The following CNGB1 variants were observed in gnomAD, a reference collection of about 807,000 sequenced individuals.
CNGB1 encodes the protein cyclic nucleotide gated channel subunit beta 1, also known as cyclic nucleotide-gated channel beta-1.
A neutral mutation model predicts 151.7 loss-of-function variants in CNGB1; 126 were observed. That is an observed-to-expected ratio of 0.83 (90% CI 0.72 to 0.96). CNGB1 has a LOEUF of 0.96. Among genes scored for constraint, CNGB1 ranks in the 40% least tolerant of loss-of-function variants. The pLI is 0.00. For synonymous variants in CNGB1, 623 were observed against 635.1 expected (o/e 0.98, Z 0.29); for missense variants, 1,698 against 1,627.0 (o/e 1.04, Z -0.75).
Position 57,930,750 on chromosome 16 carries a change from CA to C in CNGB1, c.1535+965del, listed in dbSNP as rs745809393. 1.6e-3 allele frequency among the ~76,000 whole-genome samples: 249 copies of C among 152,006 alleles called. 1 individual carries two copies. Among genetic ancestry groups the C allele is most frequent in the Middle Eastern group, 3.4e-3 (1 of 294 alleles). ...TGTGCCAAGAGAAATAAGCTAGTCC[CA>C]AAAAGATAAATATTGCATGATTCCA... is the stretch of plus-strand genomic sequence containing the variant. On this transcript the variant is annotated intron_variant, in intron 17 of 32. Transcript: ENST00000251102.
intron 26 of CNGB1, 50 bp downstream of exon 26, chr16:57,904,684 G>C (rs1230187736): frequency 6.2e-7 from 1 of 1,612,040 alleles, no homozygotes; most frequent in Admixed American, 1.7e-5. Flanking sequence ...AACAGTGGGA[G>C]GGGGCCCTGC....
chr16:57,940,176 T>C, intron 15 of CNGB1, 58 bp downstream of exon 15: 2 of 1,477,320 alleles, frequency 1.4e-6, no homozygotes, highest in Non-Finnish European at 1.8e-6. Context: ...AAGGTCCCCA[T>C]CCTTCCACCA....
At position 57,920,428 on chromosome 16, in the gene CNGB1, A is replaced by G. The variant is rs201702756; in HGVS notation, c.1760T>C (p.Ile587Thr). The G allele has an allele frequency of 9.9e-6, 16 of 1,614,200 alleles. No individual in the cohort carries two copies. The Admixed American group carries it at 1.0e-4, about 10-fold the overall frequency. The change falls in exon 19 of 33, where the codon ATT (isoleucine) becomes ACT (threonine). Residue 587 changes from isoleucine (I) to threonine (T), a missense_variant. Coordinates refer to ENST00000251102, the MANE Select transcript of CNGB1 (RefSeq NM_001297.5). ...ERTEKVKEKL[I>T]DPDVTSDEES... ...CTCATCAGAGGTGACGTCAGGGTCA[A>G]TGAGTTTCTCCTTCACTTTCTCTGT...
intron 31 of CNGB1, among the ~76,000 whole-genome samples, chr16:57,892,199 G>C (rs1250408469): frequency 6.6e-6 from 1 of 152,130 alleles, no homozygotes; most frequent in Non-Finnish European, 1.5e-5. Context: ...GGTGACTCAA[G>C]TATTTTGCTG....
intron 22 of CNGB1, 112 bp downstream of exon 22, chr16:57,916,017 C>A (rs1960856723): frequency 9.9e-7 from 1 of 1,010,888 alleles, no homozygotes; most frequent in African/African-American, 1.6e-5. Flanking sequence ...GGACCAGCAT[C>A]CCTCCGTGTG....
chr16:57,935,397 A>AGGCC (rs1961480572), intron 16 of CNGB1, among the ~76,000 whole-genome samples: 1 of 152,160 alleles, frequency 6.6e-6, no homozygotes, highest in Non-Finnish European at 1.5e-5. Context: ...ATTAGAATTG[A>AGGCC]GGCCGGGCAC....
At chr16:57,897,977 G>A (rs1960281778) in intron 29 of CNGB1, 63 bp from the exon 30 acceptor site, 1 of 1,563,356 alleles carries the variant, frequency 6.4e-7, no homozygotes, top group Non-Finnish European at 8.8e-7. Context: ...AAGCAGCCAG[G>A]GCTGGATCCA....
At position 57,964,544 on chromosome 16, in the gene CNGB1, G is replaced by A; in HGVS notation, c.160C>T (p.Pro54Ser). The A allele has an allele frequency of 6.2e-7, 1 of 1,614,104 alleles. No homozygotes were observed. Among genetic ancestry groups the A allele is most frequent in the Non-Finnish European group, 8.5e-7 (1 of 1,180,012 alleles). ...EEAETESESMPPEESFKEEEV... is the reference protein window; with the variant it reads ...EEAETESESMSPEESFKEEEV... ...TCCTCCTTGAATGACTCTTCGGGGGGCTAGAGGGTTCGAACAGGATCATGT... is the reference window on the plus strand; with the variant it reads ...TCCTCCTTGAATGACTCTTCGGGGGACTAGAGGGTTCGAACAGGATCATGT... The change falls in exon 3 of 33, where the codon CCC (proline) becomes TCC (serine). Residue 54 changes from proline (P) to serine (S), a missense_variant and splice_region_variant. Pro to Ser is a moderately conservative substitution (Grantham distance 74, BLOSUM62 -1). Coordinates refer to ENST00000251102, the MANE Select transcript of CNGB1 (RefSeq NM_001297.5).
chr16:57,960,943 T>G (rs754624531), intron 7 of CNGB1, 28 bp from the exon 8 acceptor site: 1 of 1,611,870 alleles, frequency 6.2e-7, no homozygotes, highest in Non-Finnish European at 8.5e-7. Context: ...ATCAGCAGAG[T>G]GCCCTGAGGG....
chr16:57,964,639 A>G (rs75649887), intron 2 of CNGB1, 95 bp from the exon 3 acceptor site: 131,920 of 1,201,080 alleles, frequency 0.11, 8,395 homozygotes, highest in South Asian at 0.12. Flanking sequence ...TCCCTGCCCC[A>G]CAAAAGACCT....
intron 16 of CNGB1, among the ~76,000 whole-genome samples, chr16:57,938,662 G>T (rs1405138002): frequency 1.3e-5 from 2 of 152,154 alleles, no homozygotes; most frequent in Admixed American, 1.3e-4. Flanking sequence ...GGCCAAATCC[G>T]CACACACAGA....
chr16:57,960,342 T>G, intron 9 of CNGB1, 140 bp downstream of exon 9: 1 of 1,240,362 alleles, frequency 8.1e-7, no homozygotes, highest in South Asian at 1.3e-5. Flanking sequence ...GCCAACAGCC[T>G]GCTCCAGGCA....
rs768853177 is a variant in CNGB1, at chr16:57,916,178, G to T, written c.2168C>A (p.Thr723Lys). 1 of 1,613,482 alleles carries T rather than the reference G, an allele frequency of 6.2e-7. No individual in the cohort carries two copies. The highest frequency in any genetic ancestry group is 1.3e-5 in the African/African-American group (1 of 75,010). Residue 723 changes from threonine (T) to lysine (K), a missense_variant and splice_region_variant, in exon 22 of 33, where the codon ACG becomes AAG. Transcript: ENST00000251102. Reference sequence around the variant, plus strand: ...GTTATTTCGCATGTCCTTTTTGTCCGTCTGAAAGAAAGGGAATGATGATGG... The same window carrying T: ...GTTATTTCGCATGTCCTTTTTGTCCTTCTGAAAGAAAGGGAATGATGATGG... ...LQFVRGGDII[T>K]DKKDMRNNYL...
intron 2 of CNGB1, among the ~76,000 whole-genome samples, chr16:57,965,745 CAT>C (rs1962379541): frequency 6.6e-6 from 1 of 152,158 alleles, no homozygotes; most frequent in South Asian, 2.1e-4. Flanking sequence ...CATACACACA[CAT>C]ACACACTAGC....
Position 57,919,774 on chromosome 16 carries a change from C to G in CNGB1, c.1802-520G>C, listed in dbSNP as rs555508497. Among the ~76,000 whole-genome samples the G allele has an allele frequency of 3.9e-5, 6 of 152,272 alleles. No individual in the cohort carries two copies. In the East Asian group the frequency reaches 1.2e-3, roughly 29 times the overall value. On this transcript the variant is annotated intron_variant, in intron 19 of 32. Transcript: ENST00000251102. ...GCCTCCCTGTGCATCTATGATGATA[C>G]TTTTGGTCTAGGGATTGGCTCTTAT...
At position 57,927,411 on chromosome 16, in the gene CNGB1, T is replaced by A. The variant is rs111995023; in HGVS notation, c.1536-4031A>T. Among the ~76,000 whole-genome samples, 680 of 152,292 alleles carry A rather than the reference T, an allele frequency of 4.5e-3. 4 individuals are homozygous for A. Among genetic ancestry groups the A allele is most frequent in the African/African-American group, 0.015 (606 of 41,574 alleles). On this transcript the variant is annotated intron_variant, in intron 17 of 32. Transcript: ENST00000251102. ...AGAGGCAGGCCTCAGAACTCTCCCCTCTCAGGGCTGGGCTCAGGCAGAGGT... is the reference window on the plus strand; with the variant it reads ...AGAGGCAGGCCTCAGAACTCTCCCCACTCAGGGCTGGGCTCAGGCAGAGGT...
intron 2 of CNGB1, among the ~76,000 whole-genome samples, chr16:57,966,625 A>C (rs1253826354): frequency 6.6e-6 from 1 of 152,238 alleles, no homozygotes; most frequent in Non-Finnish European, 1.5e-5. Flanking sequence ...ACTTAGCTAC[A>C]GAGTAGATTT....
At chr16:57,889,846 A>G (rs1478115217) in intron 31 of CNGB1, among the ~76,000 whole-genome samples, 1 of 152,214 alleles carries the variant, frequency 6.6e-6, no homozygotes, top group African/African-American at 2.4e-5. Flanking sequence ...TTGCATCATT[A>G]TCTTCCTGGG....
chr16:57,916,147 C>G lies in CNGB1; in HGVS notation c.2199G>C (p.Leu733=), dbSNP rs764979394. 3.1e-6 allele frequency: 5 copies of G among 1,614,058 alleles called. No homozygotes were observed. The Admixed American group carries it at 8.3e-5, about 27-fold the overall frequency. The change falls in exon 22 of 33, where the codon CTG becomes CTC. Residue 733 remains leucine, a synonymous_variant. Coordinates refer to ENST00000251102, the MANE Select transcript of CNGB1 (RefSeq NM_001297.5). ...TDKKDMRNNY[L]KSRRFKMDLL... is the part of the protein sequence containing the mutation. ...CACACACCTTGAAGCGGCGAGACTT[C>G]AGGTAGTTATTTCGCATGTCCTTTT... is the stretch of plus-strand genomic sequence containing the variant.
Sources: gnomAD v4.1 joint callset for allele counts (sites outside exome capture counted in the v4.1 genomes callset) on GRCh38, gnomAD v4.1.1 for gene constraint, MANE v1.5 for transcripts, NCBI Gene and HGNC (gene_info 2026-07-23, HGNC 2026-07-21) for gene names.